ZNF667: variants seen among roughly 807,000 people sequenced by gnomAD.
ZNF667 encodes the protein myocardial ischemic preconditioning upregulated 1 ortholog.
Under a neutral mutation model 31.8 loss-of-function variants are expected in ZNF667, and 13 were observed. The ratio of observed to expected loss-of-function variants is 0.41; its 90% CI spans 0.27 to 0.65. The LOEUF is 0.65. ZNF667 is among the 30% of genes least tolerant of loss of function. The probability of loss-of-function intolerance (pLI) is 0.32; values close to 1 mark genes in which losing one functional copy is unlikely to be tolerated. For synonymous variants in ZNF667, 228 were observed against 247.1 expected, an observed-to-expected ratio of 0.92 and a Z score of 0.73; for missense variants, 642 against 725.6, an observed-to-expected ratio of 0.88 and a Z score of 1.32.
chr19:56,441,392 C>G lies in ZNF667; in HGVS notation c.1603G>C (p.Ala535Pro), dbSNP rs1250709601. 2.5e-6 allele frequency: 4 copies of G among 1,614,100 alleles called. No individual in the cohort carries two copies. In the East Asian group the frequency reaches 6.7e-5, roughly 27 times the overall value. Residue 535 changes from alanine to proline, a missense_variant, in exon 7 of 7, where the codon GCC becomes CCC. Ala to Pro is a conservative substitution (Grantham distance 27). Transcript: ENST00000504904. This position sits in a 1 kb window ranked among gnomAD's most constrained non-coding sequence, Gnocchi z 4.2. The stretch of plus-strand genomic sequence containing the variant: ...ATAAGAGATGTGCGCTGACTAAAGG[C>G]CTTACCACATGTTTTGCATGTATAT... ...KPYTCKTCGK[A>P]FSQRTSLILH...
intron 3 of ZNF667, among the ~76,000 whole-genome samples, chr19:56,464,667 C>T (rs1217927847): frequency 6.6e-6 from 1 of 152,214 alleles, no homozygotes; most frequent in African/African-American, 2.4e-5. Context: ...ATAGCACTTA[C>T]CGCTTTCTGA....
At chr19:56,468,992 C>G (rs1033713438) in intron 3 of ZNF667, 1 of 152,244 alleles carries the variant, frequency 6.6e-6, no homozygotes, top group Non-Finnish European at 1.5e-5. Flanking sequence ...CAATTTGTCA[C>G]AGCAGCAAGA....
intron 6 of ZNF667, among the ~76,000 whole-genome samples, chr19:56,457,251 A>C (rs1352307661): frequency 2.6e-5 from 4 of 152,226 alleles, no homozygotes; most frequent in African/African-American, 7.2e-5. Context: ...GAATCACAAA[A>C]ATCATGCAGA....
rs760784287 is a variant in ZNF667, at chr19:56,442,257, A to G, written c.738T>C (p.Ile246=). 13 of 1,614,134 alleles carry G rather than the reference A, an allele frequency of 8.1e-6. No homozygotes were observed. The Middle Eastern group carries it at 1.2e-3, about 143-fold the overall frequency. Residue 246 remains isoleucine (I), a synonymous_variant, in exon 7 of 7, where the codon ATT becomes ATC. Transcript: ENST00000504904. ...QCQSFNIHQK[I]HVVGNVCQCR... ...ACTGGCAGACATTCCCAACAACATG[A>G]ATTTTCTGATGTATATTGAAAGACT... is the stretch of plus-strand genomic sequence containing the variant.
chr19:56,462,532 T>C, intron 3 of ZNF667, 103 bp from the exon 4 acceptor site: 1 of 743,498 alleles, frequency 1.3e-6, no homozygotes, highest in Non-Finnish European at 2.4e-6. Flanking sequence ...CATATGCACG[T>C]GCACACACAC....
chr19:56,449,982 T>G (rs551426928), intron 6 of ZNF667, among the ~76,000 whole-genome samples: 13 of 151,464 alleles, frequency 8.6e-5, no homozygotes, highest in Non-Finnish European at 1.9e-4. Flanking sequence ...CAGGATCTAG[T>G]ATATAGACCC....
chr19:56,468,318 A>C (rs2043209817), intron 3 of ZNF667: 1 of 152,246 alleles, frequency 6.6e-6, no homozygotes, highest in South Asian at 2.1e-4. Context: ...TATTTCACTA[A>C]GCCAGACCAA....
chr19:56,456,609 G>C (rs2042936486), intron 6 of ZNF667, among the ~76,000 whole-genome samples: 1 of 152,146 alleles, frequency 6.6e-6, no homozygotes, highest in Non-Finnish European at 1.5e-5. Context: ...CAGTACTATA[G>C]AAAACAGGCA....
chr19:56,455,847 A>G (rs993174052), intron 6 of ZNF667, among the ~76,000 whole-genome samples: 5 of 152,208 alleles, frequency 3.3e-5, no homozygotes, highest in South Asian at 2.1e-4. Flanking sequence ...CTTACACACT[A>G]TATGCCTGTA....
chr19:56,458,405 A>G lies in ZNF667; in HGVS notation c.161-158T>C, dbSNP rs112885561. 8.2e-3 allele frequency among the ~76,000 whole-genome samples: 1,243 copies of G among 152,314 alleles called. 9 individuals are homozygous for G. Among genetic ancestry groups the G allele is most frequent in the African/African-American group, 0.028 (1,153 of 41,572 alleles). On this transcript the variant is annotated intron_variant, in intron 5 of 6. Transcript: ENST00000504904. ...AATGGGGAGTGTGATATTGTGATTT[A>G]TAAGAATATGTATTTGCTTTTCATC...
intron 6 of ZNF667, 139 bp downstream of exon 6, chr19:56,458,016 C>A: frequency 1.3e-6 from 1 of 750,122 alleles, no homozygotes; most frequent in South Asian, 1.6e-5. Flanking sequence ...CGAATCTGCT[C>A]ATGCATTGAT....
intron 3 of ZNF667, chr19:56,467,813 G>A (rs1391645549): frequency 1.3e-5 from 2 of 152,208 alleles, no homozygotes; most frequent in Admixed American, 1.3e-4. Context: ...GTGTGAGGTG[G>A]TGTGGAGCTT....
rs760583400 is a variant in ZNF667 at position 56,442,589 on chromosome 19, T to C, written c.406A>G (p.Lys136Glu). The stretch of plus-strand genomic sequence containing the variant: ...AAAGGTTTCTTCCCTGAATGCCCTT[T>C]CTTAGGTTTTACTAGGACTGAATTT... ...NKNSVLVKPK[K>E]GHSGKKPLKC... The change falls in exon 7 of 7, where the codon AAA becomes GAA. Residue 136 changes from lysine to glutamate, a missense_variant. Coordinates refer to ENST00000504904, the MANE Select transcript of ZNF667 (RefSeq NM_001321356.2). 10 of 1,614,014 alleles carry C rather than the reference T, an allele frequency of 6.2e-6. No individual in the cohort carries two copies. The East Asian group carries it at 2.0e-4, about 32-fold the overall frequency.
chr19:56,450,294 C>T (rs1162736451), intron 6 of ZNF667, among the ~76,000 whole-genome samples: 5 of 152,036 alleles, frequency 3.3e-5, no homozygotes, highest in Non-Finnish European at 7.4e-5. Flanking sequence ...ACCTTATAGG[C>T]CAGGAGAGAG....
chr19:56,448,682 AG>A lies in ZNF667; in HGVS notation c.254-5942del, dbSNP rs548483958. ...AGCAGTGTCCTGAAGGCCTCATTCT[AG>A]GCCATAGGTCCTGGACAAGATTTCT... On this transcript the variant is annotated intron_variant, in intron 6 of 6. Transcript: ENST00000504904. Among the ~76,000 whole-genome samples the A allele has an allele frequency of 2.6e-5, 4 of 151,376 alleles. No homozygotes were observed. The South Asian group carries it at 8.4e-4, about 32-fold the overall frequency.
At chr19:56,443,708 C>G (rs891729510) in intron 6 of ZNF667, among the ~76,000 whole-genome samples, 1 of 151,994 alleles carries the variant, frequency 6.6e-6, no homozygotes, top group Non-Finnish European at 1.5e-5. Flanking sequence ...TAGATATTTA[C>G]AAAGGTGAAG....
At chr19:56,458,129 A>T (rs529721646) in intron 6 of ZNF667, 26 bp downstream of exon 6, 1 of 1,599,274 alleles carries the variant, frequency 6.3e-7, no homozygotes, top group East Asian at 2.2e-5. Context: ...AGACTGAGAC[A>T]TATGCCTTGG....
chr19:56,462,394 A>G lies in ZNF667; in HGVS notation c.-24T>C, dbSNP rs747536815. On this transcript the variant is annotated 5_prime_UTR_variant, in exon 4 of 7. Coordinates refer to ENST00000504904, the MANE Select transcript of ZNF667 (RefSeq NM_001321356.2). ...ATCCTTTCCTCCCCCTTTAGGGTCC[A>G]CACTGAGAGATGGGCAGAGAGCTGG... The G allele has an allele frequency of 6.2e-6, 10 of 1,614,004 alleles. No homozygotes were observed. Among genetic ancestry groups the G allele is most frequent in the Non-Finnish European group, 7.6e-6 (9 of 1,180,008 alleles).
At chr19:56,473,824 A>C (rs2043343614) in intron 2 of ZNF667, among the ~76,000 whole-genome samples, 188 bp downstream of exon 2, 1 of 152,266 alleles carries the variant, frequency 6.6e-6, no homozygotes, top group East Asian at 1.9e-4. Context: ...ATACAAATAC[A>C]TGACTTTGAA....
Sources: allele counts gnomAD v4.1 joint callset (sites outside exome capture counted in the v4.1 genomes callset), GRCh38; gene constraint gnomAD v4.1.1; non-coding constraint Gnocchi (gnomAD v3.1); transcripts MANE v1.5; gene names NCBI Gene and HGNC (gene_info 2026-07-23, HGNC 2026-07-21).